The following R3HDM2 variants were observed in gnomAD, a reference collection of about 807,000 sequenced individuals.
R3HDM2 encodes the protein R3H domain-containing protein 2.
Under a neutral mutation model 124.5 loss-of-function variants are expected in R3HDM2, and 38 were observed. That is an observed-to-expected ratio of 0.31 (90% CI 0.24 to 0.40). R3HDM2 has a LOEUF of 0.40. Among genes scored for constraint, R3HDM2 ranks in the 10% least tolerant of loss-of-function variants. R3HDM2 has a pLI of 1.00. For synonymous variants in R3HDM2, 391 were observed against 448.0 expected (o/e 0.87, Z 1.61); for missense variants, 869 against 1,236.9 (o/e 0.70, Z 4.46).
intron 13 of R3HDM2, 81 bp from the exon 14 acceptor site, chr12:57,280,611 C>G (rs1009359177): frequency 3.1e-6 from 4 of 1,301,576 alleles, no homozygotes; most frequent in Admixed American, 2.9e-5. Flanking sequence ...TCAGAGGGCT[C>G]TACTTTTTCT....
chr12:57,325,848 T>A (rs2057245087), intron 2 of R3HDM2, among the ~76,000 whole-genome samples: 3 of 149,390 alleles, frequency 2.0e-5, no homozygotes, highest in Non-Finnish European at 2.9e-5. Context: ...TGGTTTTTTC[T>A]TTTCTTTTTT....
At chr12:57,346,526 A>G (rs2137106071) in intron 2 of R3HDM2, among the ~76,000 whole-genome samples, 1 of 152,318 alleles carries the variant, frequency 6.6e-6, no homozygotes, top group African/African-American at 2.4e-5. Context: ...TAAAGTGCTA[A>G]ATGAAAGAAC....
intron 14 of R3HDM2, chr12:57,272,419 T>C: frequency 6.6e-7 from 1 of 1,507,490 alleles, no homozygotes; most frequent in Non-Finnish European, 9.0e-7. Flanking sequence ...AGGCCACACA[T>C]GAACAAGACA....
intron 20 of R3HDM2, among the ~76,000 whole-genome samples, chr12:57,258,511 AT>A (rs942830824): frequency 2.0e-5 from 3 of 151,520 alleles, no homozygotes; most frequent in Non-Finnish European, 4.4e-5. Flanking sequence ...CGCCTGGCTA[AT>A]TTTTTTATTT....
chr12:57,254,371 C>T lies in R3HDM2; in HGVS notation c.*402G>A, dbSNP rs145451934. ...CAAAAATTAGCCGGGCATGGTGGCG[C>T]GTGTCTGTAGTGCCAGCTACTTGGG... On this transcript the variant is annotated 3_prime_UTR_variant, in exon 24 of 24. Transcript: ENST00000402412. 2,096 of 409,378 alleles carry T rather than the reference C, an allele frequency of 5.1e-3. 43 individuals carry two copies. Among genetic ancestry groups the T allele is most frequent in the African/African-American group, 0.041 (1,925 of 47,238 alleles). The allele number at this position is 409,378 out of a possible 1,614,324, so 25.4% of individuals were successfully genotyped here. A position where few individuals can be genotyped will look rare whatever the true frequency, so the allele number is the denominator to read the frequency against.
At chr12:57,393,166 C>T (rs566252252) in intron 2 of R3HDM2, among the ~76,000 whole-genome samples, 1 of 151,372 alleles carries the variant, frequency 6.6e-6, no homozygotes, top group East Asian at 1.9e-4. Context: ...TGCAATGGTG[C>T]GATCTTGGCT....
intron 1 of R3HDM2, among the ~76,000 whole-genome samples, chr12:57,399,557 T>C (rs891667981): frequency 6.6e-6 from 1 of 152,214 alleles, no homozygotes; most frequent in East Asian, 1.9e-4. Context: ...TATCAAATTA[T>C]CACAGGTTTA....
At chr12:57,428,502 T>TGTGATGGGGGGC (rs1868561971) in intron 1 of R3HDM2, among the ~76,000 whole-genome samples, 1 of 33,750 alleles carries the variant, frequency 3.0e-5, no homozygotes, top group Non-Finnish European at 4.9e-5. Context: ...TGGTGGGGGG[T>TGTGATGGGGGGC]GTGGTGGGGG....
At chr12:57,342,820 G>A (rs937071684) in intron 2 of R3HDM2, among the ~76,000 whole-genome samples, 3 of 152,178 alleles carry the variant, frequency 2.0e-5, no homozygotes, top group African/African-American at 7.2e-5. Flanking sequence ...GTAAAATTAA[G>A]ACCAAACCTT....
Position 57,280,369 on chromosome 12 carries a change from T to A in R3HDM2, c.1333A>T (p.Met445Leu). The change falls in exon 14 of 24, where the codon ATG (methionine) becomes TTG (leucine). Residue 445 changes from methionine (M) to leucine (L), a missense_variant. Transcript: ENST00000402412. Reference sequence around the variant, plus strand: ...GAGTGGTGACTCACCTGTGAGATCATGTGATTATTCAAGGGTGGCTGTTGC... The same window carrying A: ...GAGTGGTGACTCACCTGTGAGATCAAGTGATTATTCAAGGGTGGCTGTTGC... ...PQQQPPLNNH[M>L]ISQADDLSNP... 6.2e-7 allele frequency: 1 copy of A among 1,613,456 alleles called. No homozygotes were observed. Among genetic ancestry groups the A allele is most frequent in the Non-Finnish European group, 8.5e-7 (1 of 1,179,600 alleles).
intron 4 of R3HDM2, among the ~76,000 whole-genome samples, chr12:57,301,204 G>GCTTTA (rs2051075647): frequency 6.6e-6 from 1 of 152,042 alleles, no homozygotes. Flanking sequence ...TAATCTGCCC[G>GCTTTA]CTTTACTTCT....
chr12:57,429,571 G>T (rs115821692), intron 1 of R3HDM2, among the ~76,000 whole-genome samples: 1 of 152,124 alleles, frequency 6.6e-6, no homozygotes. Context: ...AAATCAGCCA[G>T]GAGTGGTGGC....
Position 57,269,380 on chromosome 12 carries a change from G to A in R3HDM2, c.1657C>T (p.Pro553Ser). Residue 553 changes from proline (P) to serine (S), a missense_variant, in exon 16 of 24, where the codon CCG (proline) becomes TCG (serine). Transcript: ENST00000402412. Reference protein sequence around the residue: ...SNQQYRPLSHPVAYSPQRGQQ... With the variant: ...SNQQYRPLSHSVAYSPQRGQQ... The stretch of plus-strand genomic sequence containing the variant: ...CCACGTTGGGGGCTATAGGCCACCG[G>A]GTGAGAGAGAGGTCGATATTGCTGG... 1 of 1,614,136 alleles carries A rather than the reference G, an allele frequency of 6.2e-7. No homozygotes were observed. Among genetic ancestry groups the A allele is most frequent in the South Asian group, 1.1e-5 (1 of 91,076 alleles).
At position 57,258,984 on chromosome 12, in the gene R3HDM2, G is replaced by A; in HGVS notation, c.2207C>T (p.Pro736Leu). The part of the protein sequence containing the change: ...VPNGPQPPQN[P>L]SMVQWSHCKY... ...ACAATGACTCCACTGGACCATGGATGGGTTCTGAGGGGGCTGGGGTCCATT... is the reference window on the plus strand; with the variant it reads ...ACAATGACTCCACTGGACCATGGATAGGTTCTGAGGGGGCTGGGGTCCATT... Residue 736 changes from proline (P) to leucine (L), a missense_variant, in exon 20 of 24, where the codon CCA (proline) becomes CTA (leucine). Pro to Leu is a moderately conservative substitution (Grantham distance 98). Transcript: ENST00000402412. The A allele has an allele frequency of 6.2e-7, 1 of 1,613,312 alleles. No individual in the cohort carries two copies.
chr12:57,422,264 T>A (rs1462959579), intron 1 of R3HDM2, among the ~76,000 whole-genome samples: 1 of 152,178 alleles, frequency 6.6e-6, no homozygotes, highest in Non-Finnish European at 1.5e-5. Context: ...GAGATATTTT[T>A]AAAAAGTAAA....
At chr12:57,372,413 G>T (rs528841137) in intron 2 of R3HDM2, among the ~76,000 whole-genome samples, 3 of 152,284 alleles carry the variant, frequency 2.0e-5, no homozygotes, top group East Asian at 1.9e-4. Flanking sequence ...TGGGGCGGGG[G>T]TGTGGGGGGA....
chr12:57,410,656 C>T (rs963237809), intron 1 of R3HDM2, among the ~76,000 whole-genome samples: 2 of 152,124 alleles, frequency 1.3e-5, no homozygotes, highest in Non-Finnish European at 2.9e-5. Context: ...AGTTTGAGAC[C>T]AGCCTGGGCT....
chr12:57,381,766 G>C (rs1163993707), intron 2 of R3HDM2, among the ~76,000 whole-genome samples: 1 of 151,942 alleles, frequency 6.6e-6, no homozygotes, highest in Non-Finnish European at 1.5e-5. Context: ...GCTGAGAATT[G>C]CAATTTTATA....
Position 57,259,035 on chromosome 12 carries a change from A to G in R3HDM2, c.2156T>C (p.Val719Ala). The change falls in exon 20 of 24, where the codon GTA becomes GCA. Residue 719 changes from valine to alanine, a missense_variant. Physicochemically the swap from Val to Ala is moderately conservative, Grantham distance 64. Coordinates refer to ENST00000402412, the MANE Select transcript of R3HDM2 (RefSeq NM_001394031.1). ...YSGVSPSGPG[V>A]VVMQLNVPNG... ...AGGGACATTCAGCTGCATGACCACT[A>G]CACCTGGTCCAGAAGGTGACACTCC... The G allele has an allele frequency of 6.2e-7, 1 of 1,612,802 alleles. No individual in the cohort carries two copies. Among genetic ancestry groups the G allele is most frequent in the Non-Finnish European group, 8.5e-7 (1 of 1,179,670 alleles).
Sources: gnomAD v4.1 joint callset for allele counts (sites outside exome capture counted in the v4.1 genomes callset) on GRCh38, gnomAD v4.1.1 for gene constraint, MANE v1.5 for transcripts, NCBI Gene and HGNC (gene_info 2026-07-23, HGNC 2026-07-21) for gene names.